The following TRIM68 variants were observed in gnomAD, a reference collection of about 807,000 sequenced individuals.
TRIM68 encodes tripartite motif containing 68, also known as E3 ubiquitin-protein ligase TRIM68.
In TRIM68, 36 loss-of-function variants were observed where a neutral mutation model predicts 41.9. The ratio of observed to expected loss-of-function variants is 0.86; its 90% CI spans 0.66 to 1.14. The LOEUF is 1.14. Ranked by LOEUF, TRIM68 falls within the 50% of genes most tolerant of loss-of-function variation. The probability of loss-of-function intolerance (pLI) is 0.00; values close to 1 mark genes in which losing one functional copy is unlikely to be tolerated. For synonymous variants in TRIM68, 225 were observed against 224.6 expected (o/e 1.00, Z -0.02); for missense variants, 632 against 605.1 (o/e 1.04, Z -0.47).
chr11:4,601,812 C>G, intron 4 of TRIM68, 126 bp from the exon 5 acceptor site: 1 of 1,171,472 alleles, frequency 8.5e-7, no homozygotes, highest in Non-Finnish European at 1.3e-6. Context: ...AGATGCCATG[C>G]AGAGGTAAGG....
chr11:4,601,696 G>A lies in TRIM68; in HGVS notation c.784-10C>T. ...ACACTTCCTGAATATCCTGGAAGGA[G>A]AAAAAAAAATGCAGCATCTGAGTAA... On this transcript the variant is annotated splice_polypyrimidine_tract_variant and intron_variant, in intron 4 of 6. Coordinates refer to ENST00000300747, the MANE Select transcript of TRIM68 (RefSeq NM_018073.8). 6.2e-7 allele frequency: 1 copy of A among 1,603,210 alleles called. No homozygotes were observed. Among genetic ancestry groups the A allele is most frequent in the South Asian group, 1.1e-5 (1 of 90,672 alleles).
Position 4,598,854 on chromosome 11 carries a change from A to C in TRIM68, c.*1422T>G, listed in dbSNP as rs925116820. On this transcript the variant is annotated 3_prime_UTR_variant, in exon 7 of 7. Transcript: ENST00000300747. ...GAGGCCCTGAGACAAAGGCACTGCT[A>C]TAAGATGCAGACTGTATCATGGCAC... The C allele has an allele frequency of 1.3e-5, 2 of 152,258 alleles. No homozygotes were observed. Among genetic ancestry groups the C allele is most frequent in the Non-Finnish European group, 2.9e-5 (2 of 68,052 alleles). The allele number at this position is 152,258 out of a possible 1,614,324, so 9.4% of individuals were successfully genotyped here.
In TRIM68 at chr11:4,605,474, C is replaced by A. The variant is rs199513837; in HGVS notation, c.31G>T (p.Val11Leu). The A allele has an allele frequency of 1.8e-5, 29 of 1,611,386 alleles. No homozygotes were observed. The East Asian group carries it at 6.5e-4, about 36-fold the overall frequency. The change falls in exon 2 of 7, where the codon GTG becomes TTG. Residue 11 changes from valine to leucine, a missense_variant. Coordinates refer to ENST00000300747, the MANE Select transcript of TRIM68 (RefSeq NM_018073.8). MDPTALVEAIVEEVACPICMT... is the reference protein window; with the variant it reads MDPTALVEAILEEVACPICMT... ...CAGATGGGACAGGCCACTTCTTCCA[C>A]AATGGCTTCCACCAAGGCTGTGGGA...
chr11:4,600,890 C>G, intron 6 of TRIM68, 64 bp from the exon 7 acceptor site: 1 of 1,576,562 alleles, frequency 6.3e-7, no homozygotes, highest in Non-Finnish European at 8.7e-7. Flanking sequence ...TGAGAGCCCT[C>G]TGATAAATTC....
chr11:4,608,195 A>G lies in TRIM68; in HGVS notation c.-226T>C, dbSNP rs1476022094. On this transcript the variant is annotated 5_prime_UTR_variant, in exon 1 of 7. Transcript: ENST00000300747. ...ACCCAAAGCCCGGCAGCGCAGGCCC[A>G]GTAGCCCGCAGCTCCCAGAATACTA... is the stretch of plus-strand genomic sequence containing the variant. 1 of 152,518 alleles carries G rather than the reference A, an allele frequency of 6.6e-6. No individual in the cohort carries two copies. The highest frequency in any genetic ancestry group is 1.5e-5 in the Non-Finnish European group (1 of 68,282). The allele number at this position is 152,518 out of a possible 1,614,324, so 9.4% of individuals were successfully genotyped here.
rs576814262 is a variant in TRIM68, at chr11:4,600,665, G to T, written c.1069C>A (p.Arg357=). 1.2e-6 allele frequency: 2 copies of T among 1,613,948 alleles called. No homozygotes were observed. The highest frequency in any genetic ancestry group is 1.7e-6 in the Non-Finnish European group (2 of 1,180,012). Residue 357 remains arginine (R), a synonymous_variant, in exon 7 of 7, where the codon CGG becomes AGG. Transcript: ENST00000300747. ...VLGSQCISSG[R]HYWEVEVGDR... Reference sequence around the variant, plus strand: ...CCCACCTCCACCTCCCAGTAGTGCCGGCCTGAGGAGATGCACTGGCTTCCC... The same window carrying T: ...CCCACCTCCACCTCCCAGTAGTGCCTGCCTGAGGAGATGCACTGGCTTCCC...
At position 4,605,476 on chromosome 11, in the gene TRIM68, A is replaced by G. The variant is rs770208002; in HGVS notation, c.29T>C (p.Ile10Thr). Reference sequence around the variant, plus strand: ...GATGGGACAGGCCACTTCTTCCACAATGGCTTCCACCAAGGCTGTGGGATC... The same window carrying G: ...GATGGGACAGGCCACTTCTTCCACAGTGGCTTCCACCAAGGCTGTGGGATC... MDPTALVEA[I>T]VEEVACPICM... The change falls in exon 2 of 7, where the codon ATT becomes ACT. Residue 10 changes from isoleucine to threonine, a missense_variant. Ile to Thr is a moderately conservative substitution (Grantham distance 89). Coordinates refer to ENST00000300747, the MANE Select transcript of TRIM68 (RefSeq NM_018073.8). The G allele has an allele frequency of 2.6e-5, 42 of 1,611,312 alleles. No individual in the cohort carries two copies. Among genetic ancestry groups the G allele is most frequent in the Admixed American group, 3.3e-5 (2 of 59,954 alleles).
At chr11:4,601,751 A>T in intron 4 of TRIM68, 65 bp from the exon 5 acceptor site, 1 of 1,589,782 alleles carries the variant, frequency 6.3e-7, no homozygotes, top group South Asian at 1.1e-5. Flanking sequence ...ACAGACATCG[A>T]ACTGGCAGGG....
chr11:4,601,502 A>G, intron 5 of TRIM68, 162 bp downstream of exon 5: 1 of 689,708 alleles, frequency 1.4e-6, no homozygotes, highest in Non-Finnish European at 2.5e-6. Context: ...GGAAAGATCA[A>G]CAAAGATTCC....
At chr11:4,602,997 G>C (rs1356423081) in intron 3 of TRIM68, among the ~76,000 whole-genome samples, 5 of 152,216 alleles carry the variant, frequency 3.3e-5, no homozygotes, top group African/African-American at 1.2e-4. Context: ...GTGAGCATGT[G>C]CTTTTCCTTT....
intron 1 of TRIM68, among the ~76,000 whole-genome samples, chr11:4,607,128 A>G (rs1846581074): frequency 6.6e-6 from 1 of 152,198 alleles, no homozygotes; most frequent in African/African-American, 2.4e-5. Flanking sequence ...CCCCTCGTCC[A>G]TTCAATCTAC....
In TRIM68 at chr11:4,605,193, C is replaced by T; in HGVS notation, c.312G>A (p.Lys104=). ...KGDLCERHGE[K]LKMFCKEDVL... ...CATCCTCTTTGCAGAACATCTTCAGCTTTTCCCCATGGCGCTCACACAGGT... is the reference window on the plus strand; with the variant it reads ...CATCCTCTTTGCAGAACATCTTCAGTTTTTCCCCATGGCGCTCACACAGGT... The change falls in exon 2 of 7, where the codon AAG becomes AAA. Residue 104 remains lysine, a synonymous_variant. Coordinates refer to ENST00000300747, the MANE Select transcript of TRIM68 (RefSeq NM_018073.8). The T allele has an allele frequency of 6.2e-7, 1 of 1,614,262 alleles. No homozygotes were observed.
chr11:4,605,635 T>C lies in TRIM68; in HGVS notation c.-57-74A>G, dbSNP rs6578502. On this transcript the variant is annotated intron_variant, in intron 1 of 6. Coordinates refer to ENST00000300747, the MANE Select transcript of TRIM68 (RefSeq NM_018073.8). ...ACAGAGAGATCAGTAACAGGAATAA[T>C]TAATTTCTGGGGGAAAACCACCTTC... 3,942 of 960,282 alleles carry C rather than the reference T, an allele frequency of 4.1e-3. 74 individuals carry two copies. In the African/African-American group the frequency reaches 0.049, roughly 12 times the overall value. The allele number at this position is 960,282 out of a possible 1,614,324, so 59.5% of individuals were successfully genotyped here.
At chr11:4,607,128 AT>A (rs1846581106) in intron 1 of TRIM68, among the ~76,000 whole-genome samples, 1 of 152,198 alleles carries the variant, frequency 6.6e-6, no homozygotes, top group South Asian at 2.1e-4. Flanking sequence ...CCCCTCGTCC[AT>A]TCAATCTACC....
rs777114878 is a variant in TRIM68, at chr11:4,600,293, G to A, written c.1441C>T (p.Leu481=). ...TAGCTTTCTTAGTCCTCCCCATCCA[G>A]GGAGCAGATGGCCAGAGGAGCAGTG... ...NNTAPLAICS[L]DGED Residue 481 remains leucine (L), a synonymous_variant, in exon 7 of 7, where the codon CTG becomes TTG. Transcript: ENST00000300747. 7.6e-6 allele frequency: 12 copies of A among 1,583,396 alleles called. No individual in the cohort carries two copies. The South Asian group carries it at 1.3e-4, about 17-fold the overall frequency.
chr11:4,601,196 G>A, intron 5 of TRIM68, 69 bp from the exon 6 acceptor site: 2 of 1,208,076 alleles, frequency 1.7e-6, no homozygotes, highest in Non-Finnish European at 1.2e-6. Flanking sequence ...TCTTAGTACA[G>A]GGAAGAGGGG....
intron 1 of TRIM68, among the ~76,000 whole-genome samples, chr11:4,606,629 G>A (rs939317667): frequency 1.3e-5 from 2 of 152,208 alleles, no homozygotes; most frequent in Non-Finnish European, 2.9e-5. Context: ...CACTCTTTGA[G>A]CAGTTCTATG....
chr11:4,600,291 C>A lies in TRIM68; in HGVS notation c.1443G>T (p.Leu481=). ...GGTAGCTTTCTTAGTCCTCCCCATC[C>A]AGGGAGCAGATGGCCAGAGGAGCAG... is the stretch of plus-strand genomic sequence containing the variant. ...NNTAPLAICS[L]DGED is the part of the protein sequence containing the mutation. Residue 481 remains leucine (L), a synonymous_variant, in exon 7 of 7, where the codon CTG becomes CTT. Transcript: ENST00000300747. The A allele has an allele frequency of 1.3e-6, 2 of 1,581,526 alleles. No homozygotes were observed. Among genetic ancestry groups the A allele is most frequent in the Non-Finnish European group, 1.7e-6 (2 of 1,163,316 alleles).
At chr11:4,605,657 C>G in intron 1 of TRIM68, 96 bp from the exon 2 acceptor site, 1 of 785,364 alleles carries the variant, frequency 1.3e-6, no homozygotes, top group South Asian at 1.9e-5. Flanking sequence ...GGAAAACCAC[C>G]TTCCTTTTGA....
Sources: gnomAD v4.1 joint callset for allele counts (sites outside exome capture counted in the v4.1 genomes callset) on GRCh38, gnomAD v4.1.1 for gene constraint, MANE v1.5 for transcripts, NCBI Gene and HGNC (gene_info 2026-07-23, HGNC 2026-07-21) for gene names.